The following PARP11 variants were observed in gnomAD, a reference collection of about 807,000 sequenced individuals.
The protein encoded by PARP11 is protein mono-ADP-ribosyltransferase PARP11.
Under a neutral mutation model 42.9 loss-of-function variants are expected in PARP11, and 31 were observed. The ratio of observed to expected loss-of-function variants is 0.72; its 90% CI spans 0.54 to 0.98. The LOEUF is 0.98. Ranked by LOEUF, PARP11 falls within the 50% of genes least tolerant of loss-of-function variation. PARP11 has a pLI of 0.00. For missense variants in PARP11, 365 were observed against 413.1 expected (o/e 0.88, Z 1.01); for synonymous variants, 137 against 127.3 (o/e 1.08, Z -0.51).
intron 1 of PARP11, among the ~76,000 whole-genome samples, chr12:3,837,816 G>T (rs1947798629): frequency 6.6e-6 from 1 of 151,816 alleles, no homozygotes; most frequent in Admixed American, 6.6e-5. Flanking sequence ...TTTATAAAGA[G>T]ATAAAATAGA....
intron 1 of PARP11, among the ~76,000 whole-genome samples, chr12:3,858,861 G>C (rs1591536497): frequency 1.3e-5 from 2 of 152,012 alleles, no homozygotes; most frequent in Admixed American, 1.3e-4. Flanking sequence ...AGGCCCAGGT[G>C]TGTGGATCAC....
At chr12:3,824,943 A>G (rs1318263894) in intron 4 of PARP11, among the ~76,000 whole-genome samples, 1 of 152,244 alleles carries the variant, frequency 6.6e-6, no homozygotes, top group Non-Finnish European at 1.5e-5. Context: ...AGTACTTGGA[A>G]TAACTTTTAT....
chr12:3,872,515 A>C, intron 1 of PARP11: 1 of 985,326 alleles, frequency 1.0e-6, no homozygotes, highest in Non-Finnish European at 1.2e-6. Context: ...AAAATACCAG[A>C]GTCAGCCAAG....
chr12:3,842,436 T>A, intron 1 of PARP11: 3 of 1,607,416 alleles, frequency 1.9e-6, no homozygotes, highest in Non-Finnish European at 2.6e-6. Context: ...ATCAGTACCA[T>A]CGAAATGTCA....
At chr12:3,866,749 G>A (rs1948399543) in intron 1 of PARP11, among the ~76,000 whole-genome samples, 1 of 152,130 alleles carries the variant, frequency 6.6e-6, no homozygotes, top group Non-Finnish European at 1.5e-5. Context: ...GCTAAAACAG[G>A]TAAAAATTCT....
chr12:3,865,808 A>G (rs2138128290), intron 1 of PARP11, among the ~76,000 whole-genome samples: 1 of 148,594 alleles, frequency 6.7e-6, no homozygotes, highest in African/African-American at 2.5e-5. Context: ...AAATCTCTGT[A>G]TTTTAATTGG....
intron 7 of PARP11, among the ~76,000 whole-genome samples, chr12:3,812,658 A>C (rs1227604125): frequency 1.3e-5 from 2 of 152,250 alleles, no homozygotes; most frequent in Non-Finnish European, 2.9e-5. Context: ...GGTACAGACC[A>C]GTCCTCACCA....
intron 1 of PARP11, among the ~76,000 whole-genome samples, chr12:3,866,738 A>G (rs1031016425): frequency 1.3e-5 from 2 of 152,196 alleles, no homozygotes; most frequent in Non-Finnish European, 1.5e-5. Context: ...CGCATTCCTC[A>G]GCTAAAACAG....
intron 1 of PARP11, among the ~76,000 whole-genome samples, chr12:3,857,100 G>A (rs541313782): frequency 8.6e-5 from 13 of 151,512 alleles, no homozygotes; most frequent in Non-Finnish European, 1.8e-4. Context: ...ACACAGGGCA[G>A]GGAACATCAC....
chr12:3,852,141 C>A (rs546267864), intron 1 of PARP11, among the ~76,000 whole-genome samples: 1 of 152,320 alleles, frequency 6.6e-6, no homozygotes, highest in Non-Finnish European at 1.5e-5. Context: ...TCACCGTCAT[C>A]AAAGACCAAA....
intron 1 of PARP11, among the ~76,000 whole-genome samples, chr12:3,863,683 C>T (rs559337610): frequency 2.4e-4 from 36 of 152,318 alleles, no homozygotes; most frequent in East Asian, 1.2e-3. Context: ...CGTCCCTTCC[C>T]GGTGCAGTCA....
intron 1 of PARP11, among the ~76,000 whole-genome samples, chr12:3,838,590 G>A (rs537292983): frequency 1.3e-5 from 2 of 151,978 alleles, no homozygotes; most frequent in South Asian, 4.1e-4. Flanking sequence ...TTAACAGAAG[G>A]AAATAATAAA....
chr12:3,833,622 T>C (rs1262336465), intron 1 of PARP11, among the ~76,000 whole-genome samples: 1 of 152,064 alleles, frequency 6.6e-6, no homozygotes, highest in Non-Finnish European at 1.5e-5. Flanking sequence ...TAATTAAAAA[T>C]TAAAAACTGC....
chr12:3,855,341 T>C (rs1037928771), intron 1 of PARP11, among the ~76,000 whole-genome samples: 48 of 152,224 alleles, frequency 3.2e-4, no homozygotes, highest in African/African-American at 1.1e-3. Context: ...GGAAGTCAAA[T>C]TGTCCCTGTT....
chr12:3,857,751 A>G (rs1441035569), intron 1 of PARP11, among the ~76,000 whole-genome samples: 2 of 152,200 alleles, frequency 1.3e-5, no homozygotes, highest in Non-Finnish European at 2.9e-5. Flanking sequence ...CTAGACTGTA[A>G]GATTTTGTTA....
At chr12:3,851,308 C>G (rs548542526) in intron 1 of PARP11, among the ~76,000 whole-genome samples, 4 of 152,108 alleles carry the variant, frequency 2.6e-5, no homozygotes, top group African/African-American at 9.7e-5. Context: ...GGCAGGGCAT[C>G]GCCTCACCCA....
chr12:3,817,235 C>T (rs1270415308), intron 6 of PARP11, among the ~76,000 whole-genome samples: 5 of 151,674 alleles, frequency 3.3e-5, no homozygotes, highest in East Asian at 1.9e-4. Flanking sequence ...GGCACAAATT[C>T]GATTGAATCT....
intron 1 of PARP11, among the ~76,000 whole-genome samples, chr12:3,835,044 T>G (rs1481267756): frequency 6.6e-6 from 1 of 152,160 alleles, no homozygotes; most frequent in Non-Finnish European, 1.5e-5. Flanking sequence ...CCTGACAGTC[T>G]GGAACACTGT....
At chr12:3,842,257 ATGAAGT>A in intron 1 of PARP11, 1 of 1,603,782 alleles carries the variant, frequency 6.2e-7, no homozygotes, top group South Asian at 1.1e-5. Flanking sequence ...GAAAATGAAA[ATGAAGT>A]GTCATATTTT....
Sources: allele counts gnomAD v4.1 joint callset (sites outside exome capture counted in the v4.1 genomes callset), GRCh38; gene constraint gnomAD v4.1.1; transcripts MANE v1.5; gene names NCBI Gene and HGNC (gene_info 2026-07-23, HGNC 2026-07-21).